MBNL2: variants seen among roughly 807,000 people sequenced by gnomAD.
MBNL2 encodes the protein muscleblind like splicing regulator 2, also known as muscleblind-like protein 2.
Under a neutral mutation model 41.9 loss-of-function variants are expected in MBNL2, and 17 were observed. That is an observed-to-expected ratio of 0.41 (90% confidence interval 0.28 to 0.61). MBNL2 has a LOEUF of 0.61. Ranked by LOEUF, MBNL2 falls within the 20% of genes least tolerant of loss-of-function variation. MBNL2 has a pLI of 0.35. For synonymous variants in MBNL2, 195 were observed against 182.9 expected (o/e 1.07, Z -0.53); for missense variants, 336 against 505.6 (o/e 0.66, Z 3.22).
At chr13:97,175,039 G>A in the MBNL2 span, among the ~76,000 whole-genome samples, 2 of 152,278 alleles carry the variant, frequency 1.3e-5, no homozygotes, top group African/African-American at 2.4e-5. Flanking sequence ...AAAATACCCT[G>A]CAGAGAGCAT....
intron 2 of MBNL2, among the ~76,000 whole-genome samples, chr13:97,293,857 T>C (rs921396296): frequency 2.0e-5 from 3 of 152,262 alleles, no homozygotes; most frequent in African/African-American, 7.2e-5. Context: ...GTTACATGAG[T>C]AAGTTCTTTA....
At chr13:97,285,151 GAC>G (rs2054175980) in intron 2 of MBNL2, among the ~76,000 whole-genome samples, 1 of 152,098 alleles carries the variant, frequency 6.6e-6, no homozygotes, top group South Asian at 2.1e-4. Flanking sequence ...TTTAAAAAAT[GAC>G]ACAATAGGAA....
chr13:97,191,919 G>A, the MBNL2 span, among the ~76,000 whole-genome samples: 1 of 152,142 alleles, frequency 6.6e-6, no homozygotes, highest in East Asian at 1.9e-4. Flanking sequence ...CCCATGCATC[G>A]AACATGCCTC....
rs187910386 is a variant in MBNL2, at chr13:97,263,601, C to T, written c.-604-12031C>T. Among the ~76,000 whole-genome samples, 19 of 152,192 alleles carry T rather than the reference C, an allele frequency of 1.2e-4. No individual in the cohort carries two copies. In the East Asian group the frequency reaches 3.1e-3, roughly 25 times the overall value. Reference sequence around the variant, plus strand: ...TGCAATGGACGTGACTCCCTTGGAGCGAGGAACCAGCCTGTACCTCTGTTG... The same window carrying T: ...TGCAATGGACGTGACTCCCTTGGAGTGAGGAACCAGCCTGTACCTCTGTTG... On this transcript the variant is annotated intron_variant, in intron 1 of 8. Transcript: ENST00000679496.
the MBNL2 span, among the ~76,000 whole-genome samples, chr13:97,160,158 A>C: frequency 2.0e-5 from 3 of 152,166 alleles, no homozygotes; most frequent in African/African-American, 7.2e-5. Context: ...TGTTACGGGA[A>C]AGCTCTCTGT....
At chr13:97,215,140 T>C in the MBNL2 span, among the ~76,000 whole-genome samples, 2 of 152,192 alleles carry the variant, frequency 1.3e-5, no homozygotes, top group African/African-American at 4.8e-5. Context: ...TCCTGTAACC[T>C]TTGACCTGAC....
At chr13:97,359,374 A>G (rs1027415507) in intron 7 of MBNL2, among the ~76,000 whole-genome samples, 8 of 152,190 alleles carry the variant, frequency 5.3e-5, no homozygotes, top group Non-Finnish European at 1.0e-4. Context: ...TGTCCTGGGA[A>G]TACCTATGAA....
At chr13:97,304,035 C>G (rs74434698) in intron 2 of MBNL2, among the ~76,000 whole-genome samples, 1 of 152,344 alleles carries the variant, frequency 6.6e-6, no homozygotes, top group Non-Finnish European at 1.5e-5. Flanking sequence ...CCCAAAACTT[C>G]TAGCCCACTT....
chr13:97,367,428 T>A (rs1381138619), intron 8 of MBNL2, among the ~76,000 whole-genome samples: 1 of 152,184 alleles, frequency 6.6e-6, no homozygotes, highest in Non-Finnish European at 1.5e-5. Flanking sequence ...TTTGGTTTGG[T>A]TTTTAGTTTC....
rs187927722 is a variant in MBNL2, at chr13:97,335,211, C to T, written c.339+771C>T. Among the ~76,000 whole-genome samples the T allele has an allele frequency of 9.5e-4, 145 of 151,938 alleles. No homozygotes were observed. The Middle Eastern group carries it at 0.01, about 11-fold the overall frequency. ...CTGGAAATTGTTTTAGGAATGATAT[C>T]CTTGGGGAAAAGGAGTGCATTTAAT... On this transcript the variant is annotated intron_variant, in intron 3 of 8. Coordinates refer to ENST00000679496, the MANE Select transcript of MBNL2 (RefSeq NM_001382683.1).
intron 7 of MBNL2, among the ~76,000 whole-genome samples, chr13:97,362,742 G>A (rs573630628): frequency 1.3e-5 from 2 of 152,290 alleles, no homozygotes; most frequent in Admixed American, 6.5e-5. Flanking sequence ...GAACTAAGGA[G>A]GGACGAGAAT....
chr13:97,332,863 C>G (rs937156182), intron 2 of MBNL2, among the ~76,000 whole-genome samples: 1 of 152,176 alleles, frequency 6.6e-6, no homozygotes, highest in Non-Finnish European at 1.5e-5. Context: ...GTTATCCTCC[C>G]CAAAGAGGGT....
chr13:97,350,713 T>A (rs1444996393), intron 5 of MBNL2, among the ~76,000 whole-genome samples: 1 of 152,242 alleles, frequency 6.6e-6, no homozygotes, highest in Non-Finnish European at 1.5e-5. Flanking sequence ...ATCATGAAAT[T>A]GCAGCAATTC....
chr13:97,348,265 G>T (rs550553725), intron 5 of MBNL2, among the ~76,000 whole-genome samples: 1 of 151,780 alleles, frequency 6.6e-6, no homozygotes, highest in African/African-American at 2.4e-5. Flanking sequence ...TCACCATGTT[G>T]TCCAGGCTAG....
intron 8 of MBNL2, among the ~76,000 whole-genome samples, chr13:97,387,911 T>C (rs766311112): frequency 6.6e-6 from 1 of 152,124 alleles, no homozygotes; most frequent in Non-Finnish European, 1.5e-5. Flanking sequence ...CCCAATGTGG[T>C]GGCTGTTTCT....
the MBNL2 span, among the ~76,000 whole-genome samples, chr13:97,197,037 A>G: frequency 6.6e-6 from 1 of 152,216 alleles, no homozygotes; most frequent in Non-Finnish European, 1.5e-5. Context: ...GATACTGCAA[A>G]TTAAAAAGCA....
intron 8 of MBNL2, among the ~76,000 whole-genome samples, chr13:97,370,499 G>A (rs1349539933): frequency 6.6e-6 from 1 of 151,942 alleles, no homozygotes; most frequent in African/African-American, 2.4e-5. Flanking sequence ...GAGAAACCCT[G>A]TCTCTACTAA....
the MBNL2 span, among the ~76,000 whole-genome samples, chr13:97,212,572 T>C: frequency 6.6e-6 from 1 of 152,218 alleles, no homozygotes; most frequent in Non-Finnish European, 1.5e-5. Context: ...GAACATGGCC[T>C]CTGAAGCCAG....
At chr13:97,321,534 C>A (rs2059501938) in intron 2 of MBNL2, among the ~76,000 whole-genome samples, 1 of 152,102 alleles carries the variant, frequency 6.6e-6, no homozygotes, top group Admixed American at 6.5e-5. Flanking sequence ...ATAGTGTCTC[C>A]CATGGACCAC....
Sources: gnomAD v4.1 joint callset for allele counts (sites outside exome capture counted in the v4.1 genomes callset) on GRCh38, gnomAD v4.1.1 for gene constraint, MANE v1.5 for transcripts, NCBI Gene and HGNC (gene_info 2026-07-23, HGNC 2026-07-21) for gene names.